Variants in PXDNL observed in about 807,000 individuals in gnomAD.
The protein encoded by PXDNL is peroxidasin like, also known as probable oxidoreductase PXDNL.
A neutral mutation model predicts 150.8 loss-of-function variants in PXDNL; 145 were observed. That is an observed-to-expected ratio of 0.96 (90% CI 0.84 to 1.10). PXDNL has a LOEUF of 1.10. PXDNL is among the 50% of genes least tolerant of loss of function. PXDNL has a pLI of 0.00. For missense variants in PXDNL, 2,087 were observed against 1,873.9 expected, an observed-to-expected ratio of 1.11 and a Z score of -2.10; for synonymous variants, 757 against 725.7, an observed-to-expected ratio of 1.04 and a Z score of -0.69.
At chr8:51,772,784 A>G (rs140210032) in intron 1 of PXDNL, among the ~76,000 whole-genome samples, 210 of 152,352 alleles carry the variant, frequency 1.4e-3, no homozygotes, top group African/African-American at 4.7e-3. Context: ...TAATGAAGTT[A>G]GAGTCACCAT....
At chr8:51,660,074 G>A (rs1313541608) in intron 1 of PXDNL, among the ~76,000 whole-genome samples, 1 of 151,960 alleles carries the variant, frequency 6.6e-6, no homozygotes, top group Non-Finnish European at 1.5e-5. Context: ...ACTTTTAGTA[G>A]AGACAGGGTT....
chr8:51,677,072 T>C (rs931295647), intron 1 of PXDNL, among the ~76,000 whole-genome samples: 1 of 152,248 alleles, frequency 6.6e-6, no homozygotes, highest in Non-Finnish European at 1.5e-5. Flanking sequence ...GATTGTTTAC[T>C]TGAAGCTCTA....
At chr8:51,514,837 T>C (rs1811501570) in intron 4 of PXDNL, among the ~76,000 whole-genome samples, 1 of 152,084 alleles carries the variant, frequency 6.6e-6, no homozygotes, top group African/African-American at 2.4e-5. Context: ...GAAACCAAAG[T>C]ATTGAAGAAA....
rs562361753 is a variant in PXDNL at position 51,684,928 on chromosome 8, C to A, written c.165-30168G>T. ...AGAACCCCAGCCTCAGATGAGACAG[C>A]AGTCCAAGCTGACACAATCTCAGCT... On this transcript the variant is annotated intron_variant, in intron 1 of 22. Coordinates refer to ENST00000356297, the MANE Select transcript of PXDNL (RefSeq NM_144651.5). Among the ~76,000 whole-genome samples the A allele has an allele frequency of 1.2e-4, 19 of 152,280 alleles. No individual in the cohort carries two copies. In the East Asian group the frequency reaches 2.3e-3, roughly 19 times the overall value.
At chr8:51,488,147 C>G (rs1438948922) in intron 5 of PXDNL, among the ~76,000 whole-genome samples, 1 of 152,074 alleles carries the variant, frequency 6.6e-6, no homozygotes. Context: ...AAATAATTAC[C>G]AGGATGCTTA....
chr8:51,653,312 G>T (rs1399346835), intron 2 of PXDNL, among the ~76,000 whole-genome samples: 1 of 152,158 alleles, frequency 6.6e-6, no homozygotes, highest in African/African-American at 2.4e-5. Context: ...CAGCAACTCA[G>T]GAGGCTGAGG....
chr8:51,474,909 C>A (rs1810436832), intron 7 of PXDNL, 63 bp downstream of exon 7: 4 of 1,358,184 alleles, frequency 2.9e-6, no homozygotes, highest in African/African-American at 1.5e-5. Context: ...TATAATAAAC[C>A]TTTACAAAAA....
intron 21 of PXDNL, among the ~76,000 whole-genome samples, chr8:51,323,284 T>C (rs1334255520): frequency 6.6e-6 from 1 of 152,094 alleles, no homozygotes; most frequent in Non-Finnish European, 1.5e-5. Context: ...GCTTTTTTTG[T>C]TTTGTTTTGT....
chr8:51,643,999 A>G lies in PXDNL; in HGVS notation c.236+10690T>C, dbSNP rs533686126. 1.1e-4 allele frequency among the ~76,000 whole-genome samples: 17 copies of G among 151,836 alleles called. 1 individual carries two copies. In the South Asian group the frequency reaches 3.3e-3, roughly 30 times the overall value. ...ATCTCTACTAAAAATACAAAAAATT[A>G]GCCGGGCATGGTGGCAGGCACCTGT... is the stretch of plus-strand genomic sequence containing the variant. On this transcript the variant is annotated intron_variant, in intron 2 of 22. Transcript: ENST00000356297.
intron 12 of PXDNL, among the ~76,000 whole-genome samples, chr8:51,443,106 C>G (rs976737650): frequency 7.9e-5 from 12 of 152,144 alleles, no homozygotes; most frequent in Non-Finnish European, 1.0e-4. Flanking sequence ...AACTTGTTTT[C>G]TCCTTGTAAC....
At chr8:51,387,698 G>GTATTCAT (rs769752440) in intron 17 of PXDNL, among the ~76,000 whole-genome samples, 3 of 152,012 alleles carry the variant, frequency 2.0e-5, no homozygotes, top group Non-Finnish European at 4.4e-5. Context: ...TGAATATTAC[G>GTATTCAT]GTAAAAAGAT....
intron 17 of PXDNL, among the ~76,000 whole-genome samples, chr8:51,402,683 A>C (rs1808293568): frequency 6.6e-6 from 1 of 152,204 alleles, no homozygotes; most frequent in East Asian, 1.9e-4. Flanking sequence ...AAAATGGCCC[A>C]TGGCCTCTCT....
chr8:51,485,473 C>A (rs1290758738), intron 5 of PXDNL, among the ~76,000 whole-genome samples: 1 of 152,174 alleles, frequency 6.6e-6, no homozygotes, highest in Admixed American at 6.5e-5. Flanking sequence ...CCGATTTTAG[C>A]AAGAACCCTG....
At chr8:51,718,584 C>A (rs1291615804) in intron 1 of PXDNL, among the ~76,000 whole-genome samples, 1 of 152,224 alleles carries the variant, frequency 6.6e-6, no homozygotes, top group East Asian at 1.9e-4. Flanking sequence ...TAAAGGGGCA[C>A]ACTTCTCATT....
intron 3 of PXDNL, among the ~76,000 whole-genome samples, chr8:51,563,537 A>G (rs1352115177): frequency 6.6e-6 from 1 of 152,114 alleles, no homozygotes; most frequent in Non-Finnish European, 1.5e-5. Context: ...CCATAACAGT[A>G]TTTTAGATTG....
intron 4 of PXDNL, among the ~76,000 whole-genome samples, chr8:51,518,737 A>G (rs1811597423): frequency 6.6e-6 from 1 of 152,224 alleles, no homozygotes; most frequent in South Asian, 2.1e-4. Flanking sequence ...ATCTGATTTC[A>G]TCACTGTAGG....
chr8:51,368,581 G>T (rs1806990568), intron 19 of PXDNL, among the ~76,000 whole-genome samples: 1 of 152,042 alleles, frequency 6.6e-6, no homozygotes, highest in South Asian at 2.1e-4. Context: ...CAACATAAAG[G>T]GCTGAGGGTC....
At chr8:51,434,917 G>T (rs1809353944) in intron 12 of PXDNL, among the ~76,000 whole-genome samples, 1 of 152,128 alleles carries the variant, frequency 6.6e-6, no homozygotes, top group Non-Finnish European at 1.5e-5. Flanking sequence ...GATATATAAT[G>T]ATTGAACATC....
chr8:51,333,381 CT>C (rs1254537637), intron 21 of PXDNL, among the ~76,000 whole-genome samples: 24 of 151,656 alleles, frequency 1.6e-4, no homozygotes, highest in African/African-American at 5.1e-4. Flanking sequence ...AACAGAATCT[CT>C]TTAAAGCATA....
Sources: allele counts gnomAD v4.1 joint callset (sites outside exome capture counted in the v4.1 genomes callset), GRCh38; gene constraint gnomAD v4.1.1; transcripts MANE v1.5; gene names NCBI Gene and HGNC (gene_info 2026-07-23, HGNC 2026-07-21).